Variants in ANAPC16 observed in about 807,000 individuals in gnomAD.
ANAPC16 encodes the protein anaphase promoting complex subunit 16, also known as anaphase-promoting complex subunit 16.
ANAPC16 carries 6 observed loss-of-function variants against 13.1 expected under a neutral mutation model. The ratio of observed to expected loss-of-function variants is 0.46; its 90% CI spans 0.25 to 0.90. The LOEUF (loss-of-function observed/expected upper bound fraction) is 0.90, where lower values mean the gene tolerates loss of function less well. Ranked by LOEUF, ANAPC16 falls within the 40% of genes least tolerant of loss-of-function variation. The pLI, the probability that ANAPC16 is intolerant of heterozygous loss-of-function variation, is 0.18. For synonymous variants in ANAPC16, 55 were observed against 51.3 expected (o/e 1.07, Z -0.31); for missense variants, 113 against 131.1 (o/e 0.86, Z 0.67).
At chr10:72,216,359 AGTTTCCT>A (rs1194366079) in intron 1 of ANAPC16, 1 of 169,070 alleles carries the variant, frequency 5.9e-6, no homozygotes, top group Non-Finnish European at 1.3e-5. Context: ...CCGATGGCGT[AGTTTCCT>A]GGGGACCCAG....
At chr10:72,223,601 A>C (rs1564792287) in intron 1 of ANAPC16, 1 of 218,174 alleles carries the variant, frequency 4.6e-6, no homozygotes. Flanking sequence ...TCACCCCTTC[A>C]TAACTCATAA....
intron 1 of ANAPC16, chr10:72,223,187 T>C (rs1394950242): frequency 7.1e-6 from 1 of 141,214 alleles, no homozygotes; most frequent in Non-Finnish European, 1.5e-5. Context: ...CTCAGCCTCC[T>C]GAGTAGCTGG....
chr10:72,220,106 G>A (rs930372426), intron 1 of ANAPC16: 2 of 151,538 alleles, frequency 1.3e-5, no homozygotes, highest in Non-Finnish European at 2.9e-5. Context: ...AAGGCAGGTG[G>A]ATCACCTGAG....
chr10:72,225,681 C>T (rs1860098324), intron 2 of ANAPC16, among the ~76,000 whole-genome samples: 1 of 152,146 alleles, frequency 6.6e-6, no homozygotes, highest in Admixed American at 6.5e-5. Context: ...GCAGGCAGAT[C>T]ACAAGGTCAG....
intron 2 of ANAPC16, among the ~76,000 whole-genome samples, chr10:72,225,328 A>G (rs931341648): frequency 6.6e-6 from 1 of 151,306 alleles, no homozygotes; most frequent in Non-Finnish European, 1.5e-5. Context: ...TTCTGGGCCC[A>G]CCTTAGAGTT....
chr10:72,230,901 T>G (rs753355033), intron 3 of ANAPC16, among the ~76,000 whole-genome samples: 3 of 152,072 alleles, frequency 2.0e-5, no homozygotes, highest in Non-Finnish European at 4.4e-5. Context: ...ACAAAAAAAG[T>G]TGGTCCTCCA....
chr10:72,217,494 G>C lies in ANAPC16; in HGVS notation c.-28+1356G>C, dbSNP rs532247911. Among the ~76,000 whole-genome samples the C allele has an allele frequency of 3.3e-5, 5 of 149,968 alleles. No individual in the cohort carries two copies. The South Asian group carries it at 1.0e-3, about 31-fold the overall frequency. On this transcript the variant is annotated intron_variant, in intron 1 of 3. Transcript: ENST00000299381. ...TCTCAAAAAAAAAAAAAAAAGGAAA[G>C]TGTAAAGTGCTTAATAGAAGGCACT...
intron 2 of ANAPC16, among the ~76,000 whole-genome samples, chr10:72,228,028 TTAAA>T (rs1860180024): frequency 7.8e-6 from 1 of 127,914 alleles, no homozygotes; most frequent in East Asian, 2.6e-4. Context: ...GAGACTTGGT[TTAAA>T]AAAAAAAAAA....
chr10:72,231,260 G>C (rs1437705672), intron 3 of ANAPC16, among the ~76,000 whole-genome samples: 1 of 152,078 alleles, frequency 6.6e-6, no homozygotes, highest in Non-Finnish European at 1.5e-5. Flanking sequence ...CATCCAGGCC[G>C]GGTGCAGTAG....
intron 3 of ANAPC16, 75 bp from the exon 4 acceptor site, chr10:72,232,926 C>T (rs1860368682): frequency 8.4e-7 from 1 of 1,185,778 alleles, no homozygotes; most frequent in African/African-American, 1.5e-5. Flanking sequence ...TTATACCAGT[C>T]ATCATCTTGG....
chr10:72,234,207 C>T lies in ANAPC16; in HGVS notation c.*1091C>T, dbSNP rs1011513663. The T allele has an allele frequency of 1.3e-5, 2 of 152,108 alleles. No homozygotes were observed. Among genetic ancestry groups the T allele is most frequent in the Non-Finnish European group, 2.9e-5 (2 of 68,056 alleles). The allele number at this position is 152,108 out of a possible 1,614,324, so 9.4% of individuals were successfully genotyped here. A position where few individuals can be genotyped will look rare whatever the true frequency, so the allele number is the denominator to read the frequency against. On this transcript the variant is annotated 3_prime_UTR_variant, in exon 4 of 4. Transcript: ENST00000299381. ...ATATTTAGTAGAGACGGGGTTTCAC[C>T]ATGTTGACCAGGCTAGTCTCGAACT...
At chr10:72,217,054 T>G (rs529991992) in intron 1 of ANAPC16, 44 of 454,196 alleles carry the variant, frequency 9.7e-5, no homozygotes, top group African/African-American at 7.4e-4. Flanking sequence ...TGTTCATCAT[T>G]CATTCATCCG....
chr10:72,227,876 CA>C (rs57330798), intron 2 of ANAPC16, among the ~76,000 whole-genome samples: 11,351 of 76,556 alleles, frequency 0.15, 1,153 homozygotes, highest in African/African-American at 0.31. Context: ...ACTAAAAATA[CA>C]AAAAAAAAAA....
chr10:72,219,201 C>T (rs1859800492), intron 1 of ANAPC16, among the ~76,000 whole-genome samples: 2 of 152,182 alleles, frequency 1.3e-5, no homozygotes, highest in Non-Finnish European at 2.9e-5. Flanking sequence ...CAAAAGATGG[C>T]TAAGTTGTCT....
intron 2 of ANAPC16, among the ~76,000 whole-genome samples, chr10:72,224,627 A>G (rs76037194): frequency 6.7e-6 from 1 of 149,118 alleles, no homozygotes; most frequent in African/African-American, 2.6e-5. Context: ...AAAAAAAAAA[A>G]CGCAGAGGCA....
At chr10:72,229,030 A>C (rs945782650) in intron 2 of ANAPC16, among the ~76,000 whole-genome samples, 1 of 151,112 alleles carries the variant, frequency 6.6e-6, no homozygotes, top group Non-Finnish European at 1.5e-5. Flanking sequence ...CTAATTGTCT[A>C]TGCTTTCCTC....
Position 72,218,145 on chromosome 10 carries a change from CAAAAAAAAA to C in ANAPC16, c.-28+2020_-28+2028del, listed in dbSNP as rs142932037. Among the ~76,000 whole-genome samples, 12 of 34,880 alleles carry C rather than the reference CAAAAAAAAA, an allele frequency of 3.4e-4. No homozygotes were observed. The South Asian group carries it at 0.012, about 34-fold the overall frequency. 22.9% of individuals were successfully genotyped at this position (34,880 alleles called of 152,430 possible). The stretch of plus-strand genomic sequence containing the variant: ...GGGCAACAAGAGTGAAACTCTGTCT[CAAAAAAAAA>C]AAAAAAAAAAAATATATATATATAT... On this transcript the variant is annotated intron_variant, in intron 1 of 3. Transcript: ENST00000299381.
rs866264592 is a variant in ANAPC16, at chr10:72,218,197, T to A, written c.-28+2059T>A. Among the ~76,000 whole-genome samples, 114 of 110,396 alleles carry A rather than the reference T, an allele frequency of 1.0e-3. 16 individuals carry two copies. The highest frequency in any genetic ancestry group is 4.5e-3 in the African/African-American group (106 of 23,658). 72.4% of individuals were successfully genotyped at this position (110,396 alleles called of 152,430 possible). A position where few individuals can be genotyped will look rare whatever the true frequency, so the allele number is the denominator to read the frequency against. On this transcript the variant is annotated intron_variant, in intron 1 of 3. Transcript: ENST00000299381. ...ATATATATATATATATATATATATA[T>A]ATATATATATATATATATATATGCC...
intron 1 of ANAPC16, among the ~76,000 whole-genome samples, chr10:72,218,877 G>T (rs1859782712): frequency 6.6e-6 from 1 of 152,184 alleles, no homozygotes; most frequent in East Asian, 1.9e-4. Context: ...AACCCTGGCT[G>T]TTTTGTGTGT....
Sources: allele counts gnomAD v4.1 joint callset (sites outside exome capture counted in the v4.1 genomes callset), GRCh38; gene constraint gnomAD v4.1.1; transcripts MANE v1.5; gene names NCBI Gene and HGNC (gene_info 2026-07-23, HGNC 2026-07-21).